The following TFB1M variants were observed in gnomAD, a reference collection of about 807,000 sequenced individuals.
TFB1M encodes dimethyladenosine transferase 1, mitochondrial.
In TFB1M, 27 loss-of-function variants were observed where a neutral mutation model predicts 31.1. The observed-to-expected ratio is 0.87, with a 90% CI of 0.64 to 1.20. The LOEUF is 1.20. Among genes scored for constraint, TFB1M ranks in the 50% most tolerant of loss-of-function variants. The probability of loss-of-function intolerance (pLI) is 0.00; values close to 1 mark genes in which losing one functional copy is unlikely to be tolerated. For missense variants in TFB1M, 394 were observed against 418.7 expected, an observed-to-expected ratio of 0.94 and a Z score of 0.51; for synonymous variants, 166 against 151.8, an observed-to-expected ratio of 1.09 and a Z score of -0.69.
Position 155,287,389 on chromosome 6 carries a change from AAATC to A in TFB1M, c.547-2116_547-2113del, listed in dbSNP as rs146877710. ...TGTCAAGAAATGAAAAAAATAATAA[AAATC>A]AACATGTGAACGAAAAAATAAACTG... is the stretch of plus-strand genomic sequence containing the variant. On this transcript the variant is annotated intron_variant, in intron 4 of 6. Transcript: ENST00000367166. Among the ~76,000 whole-genome samples, 392 of 152,306 alleles carry A rather than the reference AAATC, an allele frequency of 2.6e-3. 4 individuals are homozygous for A. The highest frequency in any genetic ancestry group is 9.3e-3 in the African/African-American group (386 of 41,552).
chr6:155,269,079 A>C (rs1784802810), intron 5 of TFB1M, among the ~76,000 whole-genome samples: 1 of 151,376 alleles, frequency 6.6e-6, no homozygotes, highest in South Asian at 2.1e-4. Context: ...ACTGAGAAGT[A>C]AATGCTGATA....
At chr6:155,298,085 AT>A (rs1239208731) in intron 3 of TFB1M, among the ~76,000 whole-genome samples, 2 of 152,266 alleles carry the variant, frequency 1.3e-5, no homozygotes, top group Admixed American at 1.3e-4. Context: ...TTGGTTGGTC[AT>A]TGAATGTGAA....
rs1238364864 is a variant in TFB1M, at chr6:155,257,849, T to TTCTC, written c.1024_1027dup (p.Asn343ArgfsTer36). 3.7e-6 allele frequency: 6 copies of TTCTC among 1,614,056 alleles called. No individual in the cohort carries two copies. Among genetic ancestry groups the TTCTC allele is most frequent in the East Asian group, 2.2e-5 (1 of 44,900 alleles). ...CCCAGGCAGCAGCTAGAGTCTGTAATTCTCTGCGTCATCCTCTTCTTTTTC... is the reference window on the plus strand; with the variant it reads ...CCCAGGCAGCAGCTAGAGTCTGTAATTCTCTCTCTGCGTCATCCTCTTCTTTTTC... On this transcript the variant is annotated frameshift_variant, in exon 7 of 7. Transcript: ENST00000367166. LOFTEE classifies it low-confidence loss of function (END_TRUNC).
chr6:155,260,621 G>A (rs1784352762), intron 5 of TFB1M: 1 of 616,632 alleles, frequency 1.6e-6, no homozygotes, highest in Non-Finnish European at 3.0e-6. Flanking sequence ...GTTCTCTAAT[G>A]ACATCCACCA....
chr6:155,296,426 ATTTTTT>A (rs71023639), intron 4 of TFB1M, among the ~76,000 whole-genome samples: 79 of 103,458 alleles, frequency 7.6e-4, no homozygotes, highest in African/African-American at 2.3e-3. Context: ...CACCCAGCTA[ATTTTTT>A]TTTTTTTTTT....
the TFB1M span, among the ~76,000 whole-genome samples, chr6:155,239,791 G>T: frequency 1.3e-5 from 2 of 152,176 alleles, no homozygotes; most frequent in African/African-American, 4.8e-5. Context: ...CCTCGCAGAG[G>T]TTTCCTCTGG....
intron 4 of TFB1M, among the ~76,000 whole-genome samples, chr6:155,292,469 G>A (rs1583358136): frequency 6.6e-6 from 1 of 152,120 alleles, no homozygotes; most frequent in Non-Finnish European, 1.5e-5. Context: ...CATGGCTCAA[G>A]AGGCCTTGTA....
chr6:155,279,575 A>G (rs1459664234), intron 5 of TFB1M, among the ~76,000 whole-genome samples: 1 of 152,208 alleles, frequency 6.6e-6, no homozygotes, highest in Non-Finnish European at 1.5e-5. Flanking sequence ...ATGTTTTCTC[A>G]TATGTCTTTC....
At chr6:155,303,375 C>T (rs1192463409) in intron 2 of TFB1M, 2 of 152,130 alleles carry the variant, frequency 1.3e-5, no homozygotes, top group Admixed American at 6.5e-5. Context: ...GTTTCTTCTG[C>T]GTTTATATTT....
chr6:155,297,951 T>TA (rs1209582807), intron 3 of TFB1M, among the ~76,000 whole-genome samples: 1 of 152,204 alleles, frequency 6.6e-6, no homozygotes, highest in African/African-American at 2.4e-5. Context: ...TGGAGGCACC[T>TA]AAGCCCTCCT....
chr6:155,244,953 C>T, the TFB1M span: 1 of 850,278 alleles, frequency 1.2e-6, no homozygotes, highest in Non-Finnish European at 1.6e-6. Flanking sequence ...TAAAGGAAGG[C>T]TGTATATATT....
chr6:155,272,677 C>T (rs899599966), intron 5 of TFB1M, among the ~76,000 whole-genome samples: 4 of 152,012 alleles, frequency 2.6e-5, no homozygotes, highest in African/African-American at 9.7e-5. Flanking sequence ...AGAAAGTGAC[C>T]TTCATTTGGA....
chr6:155,275,637 C>G, intron 5 of TFB1M: 2 of 1,365,798 alleles, frequency 1.5e-6, no homozygotes, highest in African/African-American at 1.5e-5. Flanking sequence ...TGGTTCTCTA[C>G]TGCACAGAAA....
chr6:155,256,489 T>G lies in TFB1M; in HGVS notation c.*1347A>C. ...ATGTGTTTTTCTCACTGTAGCTTCA[T>G]CCAGGTCTTTAAAAGTCCTGAAGAA... is the stretch of plus-strand genomic sequence containing the variant. On this transcript the variant is annotated 3_prime_UTR_variant, in exon 7 of 7. Coordinates refer to ENST00000367166, the MANE Select transcript of TFB1M (RefSeq NM_016020.4). 4 of 1,614,208 alleles carry G rather than the reference T, an allele frequency of 2.5e-6. No homozygotes were observed. The highest frequency in any genetic ancestry group is 3.4e-6 in the Non-Finnish European group (4 of 1,180,040).
the TFB1M span, chr6:155,240,592 A>G: frequency 6.2e-7 from 1 of 1,614,066 alleles, no homozygotes; most frequent in East Asian, 2.2e-5. Flanking sequence ...ACGGCATGGA[A>G]GGACCGCGGG....
At chr6:155,241,072 C>A in the TFB1M span, among the ~76,000 whole-genome samples, 2 of 152,144 alleles carry the variant, frequency 1.3e-5, no homozygotes, top group Non-Finnish European at 2.9e-5. Context: ...TCTGTACATA[C>A]GTGACGGCTG....
At chr6:155,240,003 G>A in the TFB1M span, among the ~76,000 whole-genome samples, 6 of 152,254 alleles carry the variant, frequency 3.9e-5, no homozygotes, top group Admixed American at 6.5e-5. Context: ...GGAGCTGAGC[G>A]GTTAGACTGG....
At chr6:155,241,861 C>T in the TFB1M span, among the ~76,000 whole-genome samples, 1 of 152,198 alleles carries the variant, frequency 6.6e-6, no homozygotes, top group Non-Finnish European at 1.5e-5. Flanking sequence ...CTGTGTGGCG[C>T]TGTAGATATT....
At chr6:155,282,847 C>T (rs973624575) in intron 5 of TFB1M, among the ~76,000 whole-genome samples, 3 of 152,050 alleles carry the variant, frequency 2.0e-5, no homozygotes, top group Admixed American at 2.0e-4. Flanking sequence ...CCTGCCTCAG[C>T]CTCCTGAGTA....
Sources: allele counts gnomAD v4.1 joint callset (sites outside exome capture counted in the v4.1 genomes callset), GRCh38; gene constraint gnomAD v4.1.1; transcripts MANE v1.5; gene names NCBI Gene and HGNC (gene_info 2026-07-23, HGNC 2026-07-21).